FDCSP: variants seen among roughly 807,000 people sequenced by gnomAD.
The protein encoded by FDCSP is follicular dendritic cell secreted peptide.
Under a neutral mutation model 8.9 loss-of-function variants are expected in FDCSP, and 8 were observed. The observed-to-expected ratio is 0.90, with a 90% CI of 0.53 to 1.63. The LOEUF (loss-of-function observed/expected upper bound fraction) is 1.63. Ranked by LOEUF, FDCSP falls within the 40% of genes most tolerant of loss-of-function variation. FDCSP has a pLI of 0.00. For synonymous variants in FDCSP, 34 were observed against 34.5 expected, an observed-to-expected ratio of 0.98 and a Z score of 0.06; for missense variants, 101 against 103.6, an observed-to-expected ratio of 0.98 and a Z score of 0.11.
chr4:70,230,146 G>T (rs1321354792), intron 1 of FDCSP, among the ~76,000 whole-genome samples: 1 of 151,480 alleles, frequency 6.6e-6, no homozygotes, highest in Non-Finnish European at 1.5e-5. Context: ...ACAAATATGA[G>T]GCAAATTTCA....
At chr4:70,233,631 G>A (rs1730124245) in intron 3 of FDCSP, among the ~76,000 whole-genome samples, 1 of 151,638 alleles carries the variant, frequency 6.6e-6, no homozygotes, top group Admixed American at 6.6e-5. Context: ...ATAATTGAGA[G>A]CAAAAGCAGG....
intron 2 of FDCSP, 119 bp downstream of exon 2, chr4:70,231,370 T>C (rs1730079828): frequency 1.3e-6 from 1 of 762,412 alleles, no homozygotes; most frequent in Admixed American, 2.9e-5. Flanking sequence ...AGCTACCAAG[T>C]GCAGTGGCTT....
At chr4:70,233,182 A>G (rs1345322945) in intron 3 of FDCSP, among the ~76,000 whole-genome samples, 156 bp downstream of exon 3, 9 of 151,750 alleles carry the variant, frequency 5.9e-5, no homozygotes. Context: ...GACTTCAGGT[A>G]TTTGAGCTCT....
chr4:70,234,863 T>C (rs1026311379), intron 4 of FDCSP, among the ~76,000 whole-genome samples: 3 of 150,940 alleles, frequency 2.0e-5, no homozygotes, highest in Non-Finnish European at 4.4e-5. Flanking sequence ...TATCTAAGAT[T>C]AAATTAGAAC....
intron 2 of FDCSP, 136 bp downstream of exon 2, chr4:70,231,387 G>C: frequency 1.7e-6 from 1 of 582,126 alleles, no homozygotes; most frequent in South Asian, 3.9e-5. Flanking sequence ...GCTTACGCCT[G>C]TATTCCCTGT....
chr4:70,231,320 G>A, intron 2 of FDCSP, 69 bp downstream of exon 2: 1 of 1,267,212 alleles, frequency 7.9e-7, no homozygotes, highest in Non-Finnish European at 1.1e-6. Context: ...TGTCAACCAG[G>A]AACCACATAC....
intron 1 of FDCSP, among the ~76,000 whole-genome samples, chr4:70,229,017 G>A (rs931311905): frequency 1.3e-5 from 2 of 151,724 alleles, no homozygotes; most frequent in Admixed American, 6.6e-5. Context: ...TTGAAGCTTT[G>A]AAGCCAGGCA....
rs115209548 is a variant in FDCSP at position 70,228,081 on chromosome 4, C to A, written c.-1+1899C>A. Reference sequence around the variant, plus strand: ...TCACAAAAGATTTCTCTGTAGCATGCGATGTTGTAGCATTTTGGAGCATGT... The same window carrying A: ...TCACAAAAGATTTCTCTGTAGCATGAGATGTTGTAGCATTTTGGAGCATGT... On this transcript the variant is annotated intron_variant, in intron 1 of 4. Transcript: ENST00000317987. Among the ~76,000 whole-genome samples the A allele has an allele frequency of 7.3e-3, 1,115 of 151,796 alleles. 13 individuals carry two copies. Among genetic ancestry groups the A allele is most frequent in the African/African-American group, 0.025 (1,051 of 41,464 alleles).
Position 70,228,928 on chromosome 4 carries a change from C to T in FDCSP, c.1-2267C>T, listed in dbSNP as rs150463088. ...TTTAGTATAATTCTTAAGGGCACTA[C>T]GATTTTCTAAATGATAAATGAGCAT... On this transcript the variant is annotated intron_variant, in intron 1 of 4. Coordinates refer to ENST00000317987, the MANE Select transcript of FDCSP (RefSeq NM_152997.4). Among the ~76,000 whole-genome samples the T allele has an allele frequency of 3.1e-3, 475 of 151,808 alleles. 2 individuals carry two copies. Among genetic ancestry groups the T allele is most frequent in the African/African-American group, 0.011 (448 of 41,482 alleles).
chr4:70,232,414 A>G (rs558113175), intron 2 of FDCSP, among the ~76,000 whole-genome samples: 21 of 151,814 alleles, frequency 1.4e-4, no homozygotes, highest in African/African-American at 4.6e-4. Context: ...TGCTTACAGT[A>G]TTCAGGATAG....
At chr4:70,227,436 C>T (rs1730006354) in intron 1 of FDCSP, among the ~76,000 whole-genome samples, 1 of 151,528 alleles carries the variant, frequency 6.6e-6, no homozygotes, top group Non-Finnish European at 1.5e-5. Flanking sequence ...TTTTACACTG[C>T]GTTCTTTTGT....
At chr4:70,233,831 C>G (rs1730127936) in intron 3 of FDCSP, among the ~76,000 whole-genome samples, 189 bp from the exon 4 acceptor site, 1 of 151,516 alleles carries the variant, frequency 6.6e-6, no homozygotes, top group African/African-American at 2.4e-5. Context: ...ATGAGTATCT[C>G]TAAATAATTT....
At chr4:70,227,885 C>T (rs1389091140) in intron 1 of FDCSP, among the ~76,000 whole-genome samples, 1 of 151,798 alleles carries the variant, frequency 6.6e-6, no homozygotes, top group Non-Finnish European at 1.5e-5. Flanking sequence ...AAAATGCTAA[C>T]AATTATCTCA....
chr4:70,231,092 A>C, intron 1 of FDCSP, 103 bp from the exon 2 acceptor site: 3 of 856,966 alleles, frequency 3.5e-6, no homozygotes, highest in Non-Finnish European at 5.4e-6. Context: ...AATAATTCGT[A>C]CTTTAACTGG....
At chr4:70,233,936 G>C in intron 3 of FDCSP, 84 bp from the exon 4 acceptor site, 1 of 1,277,902 alleles carries the variant, frequency 7.8e-7, no homozygotes, top group African/African-American at 1.5e-5. Context: ...AAAAATAAAG[G>C]CCCATTATTT....
At chr4:70,227,200 T>G (rs997296778) in intron 1 of FDCSP, among the ~76,000 whole-genome samples, 1 of 151,762 alleles carries the variant, frequency 6.6e-6, no homozygotes, top group African/African-American at 2.4e-5. Flanking sequence ...TATATGTATG[T>G]GTGTGTCTGT....
Position 70,234,239 on chromosome 4 carries a change from T to C in FDCSP, c.*28+24T>C, listed in dbSNP as rs754702450. Reference sequence around the variant, plus strand: ...TGGTAAGTACACATAGTTACAATCATAGTTTATTTTAAGTTTGCAGATTGG... The same window carrying C: ...TGGTAAGTACACATAGTTACAATCACAGTTTATTTTAAGTTTGCAGATTGG... On this transcript the variant is annotated intron_variant, in intron 4 of 4. Transcript: ENST00000317987. The C allele has an allele frequency of 2.6e-5, 39 of 1,476,108 alleles. 1 individual carries two copies. Among genetic ancestry groups the C allele is most frequent in the Non-Finnish European group, 2.4e-5 (27 of 1,103,036 alleles). The allele number at this position is 1,476,108 out of a possible 1,614,324, so 91.4% of individuals were successfully genotyped here.
intron 1 of FDCSP, 127 bp from the exon 2 acceptor site, chr4:70,231,068 A>C (rs1730070638): frequency 1.5e-6 from 1 of 665,096 alleles, no homozygotes; most frequent in Non-Finnish European, 2.5e-6. Flanking sequence ...TCAAACTCAA[A>C]GAGCTATTTG....
Position 70,231,227 on chromosome 4 carries a change from C to T in FDCSP, c.33C>T (p.Ile11=). The part of the protein sequence containing the change: MKKVLLLITA[I]LAVAVGFPVS... ...AAGTTCTCCTCCTGATCACAGCCAT[C>T]TTGGCAGTGGCTGTTGGTTTCCCAG... Residue 11 remains isoleucine, a synonymous_variant, in exon 2 of 5, where the codon ATC becomes ATT. Transcript: ENST00000317987. The T allele has an allele frequency of 2.5e-6, 4 of 1,602,672 alleles. No homozygotes were observed. Among genetic ancestry groups the T allele is most frequent in the Non-Finnish European group, 3.4e-6 (4 of 1,173,912 alleles).
Sources: gnomAD v4.1 joint callset for allele counts (sites outside exome capture counted in the v4.1 genomes callset) on GRCh38, gnomAD v4.1.1 for gene constraint, MANE v1.5 for transcripts, NCBI Gene and HGNC (gene_info 2026-07-23, HGNC 2026-07-21) for gene names.